Variants in PPARD observed in about 807,000 individuals in gnomAD.
PPARD encodes peroxisome proliferator-activated receptor delta.
PPARD carries 6 observed loss-of-function variants against 39.5 expected under a neutral mutation model. That is an observed-to-expected ratio of 0.15 (90% CI 0.08 to 0.30). PPARD has a LOEUF of 0.30. PPARD is among the 10% of genes least tolerant of loss of function. The probability of loss-of-function intolerance (pLI) is 1.00; values close to 1 mark genes in which losing one functional copy is unlikely to be tolerated. For missense variants in PPARD, 397 were observed against 596.8 expected (o/e 0.67, Z 3.49); for synonymous variants, 210 against 231.3 (o/e 0.91, Z 0.83).
At chr6:35,414,277 G>A (rs1268819605) in intron 3 of PPARD, among the ~76,000 whole-genome samples, 1 of 152,124 alleles carries the variant, frequency 6.6e-6, no homozygotes, top group South Asian at 2.1e-4. Context: ...AGAAGGCACC[G>A]GAAGAGTCTA....
At chr6:35,384,214 G>C (rs1401342351) in intron 2 of PPARD, among the ~76,000 whole-genome samples, 9 of 138,828 alleles carry the variant, frequency 6.5e-5, no homozygotes, top group Admixed American at 1.4e-4. Flanking sequence ...GGAGGGAGGT[G>C]GGGGGGTCAG....
At chr6:35,374,942 T>G (rs1762720661) in intron 2 of PPARD, among the ~76,000 whole-genome samples, 1 of 152,088 alleles carries the variant, frequency 6.6e-6, no homozygotes, top group African/African-American at 2.4e-5. Context: ...TTGTCCTTCC[T>G]CCCTAATGTC....
chr6:35,365,362 G>A lies in PPARD; in HGVS notation c.-102+18212G>A, dbSNP rs539360538. Among the ~76,000 whole-genome samples, 6 of 149,754 alleles carry A rather than the reference G, an allele frequency of 4.0e-5. No homozygotes were observed. The East Asian group carries it at 7.9e-4, about 20-fold the overall frequency. On this transcript the variant is annotated intron_variant, in intron 2 of 7. Coordinates refer to ENST00000360694, the MANE Select transcript of PPARD (RefSeq NM_006238.5). The stretch of plus-strand genomic sequence containing the variant: ...TCACCGTGTTAGCCAGGAAGGTCTC[G>A]ATCTCCTGACCTCATGATCCGCCCG...
chr6:35,348,132 T>G (rs1332503765), intron 2 of PPARD, among the ~76,000 whole-genome samples: 1 of 151,994 alleles, frequency 6.6e-6, no homozygotes, highest in Non-Finnish European at 1.5e-5. Flanking sequence ...GGTCTCAAAC[T>G]CCTGATGTCA....
chr6:35,403,740 G>A (rs1581636552), intron 2 of PPARD, among the ~76,000 whole-genome samples: 2 of 151,886 alleles, frequency 1.3e-5, no homozygotes, highest in South Asian at 4.1e-4. Context: ...GGGTTGTGGT[G>A]AGAAGGAACA....
intron 3 of PPARD, among the ~76,000 whole-genome samples, chr6:35,413,284 G>A (rs1297807636): frequency 6.6e-6 from 1 of 152,190 alleles, no homozygotes; most frequent in Non-Finnish European, 1.5e-5. Flanking sequence ...AACGTCCAGG[G>A]CAGAGGTTGC....
intron 2 of PPARD, among the ~76,000 whole-genome samples, chr6:35,392,837 A>T (rs9348974): frequency 0.043 from 6,499 of 152,218 alleles, 357 homozygotes; most frequent in East Asian, 0.3. Flanking sequence ...CCCCAGGGCC[A>T]GTAGCACCTG....
At chr6:35,415,958 TG>T (rs1290880018) in intron 3 of PPARD, among the ~76,000 whole-genome samples, 7 of 152,174 alleles carry the variant, frequency 4.6e-5, no homozygotes, top group Non-Finnish European at 1.0e-4. Flanking sequence ...TGTTCCACAG[TG>T]GGGCCACGGT....
At chr6:35,420,819 C>CTTTTTTTTTTTTTTTTTTTTTTT (rs35852986) in intron 4 of PPARD, among the ~76,000 whole-genome samples, 1 of 85,708 alleles carries the variant, frequency 1.2e-5, no homozygotes, top group African/African-American at 4.2e-5. Context: ...AACAAAGAAG[C>CTTTTTTTTTTTTTTTTTTTTTTT]TTTTTTTTTT....
At chr6:35,396,223 T>G (rs1189562864) in intron 2 of PPARD, among the ~76,000 whole-genome samples, 2 of 151,646 alleles carry the variant, frequency 1.3e-5, no homozygotes, top group African/African-American at 4.8e-5. Flanking sequence ...TTTTTTTTTT[T>G]AGACAGAGTC....
At chr6:35,399,061 T>C (rs1581626960) in intron 2 of PPARD, among the ~76,000 whole-genome samples, 1 of 151,706 alleles carries the variant, frequency 6.6e-6, no homozygotes, top group Non-Finnish European at 1.5e-5. Flanking sequence ...TGCAGTGAGC[T>C]GAGATCGAGC....
chr6:35,404,517 C>T (rs751739582), intron 2 of PPARD, among the ~76,000 whole-genome samples: 18 of 152,214 alleles, frequency 1.2e-4, no homozygotes, highest in Admixed American at 2.0e-4. Flanking sequence ...TGTCCCCACT[C>T]ATCCCCTGGG....
rs914503193 is a variant in PPARD, at chr6:35,418,158, A to C, written c.131-1969A>C. 3.3e-5 allele frequency among the ~76,000 whole-genome samples: 5 copies of C among 152,352 alleles called. No homozygotes were observed. In the East Asian group the frequency reaches 9.6e-4, roughly 29 times the overall value. On this transcript the variant is annotated intron_variant, in intron 3 of 7. Coordinates refer to ENST00000360694, the MANE Select transcript of PPARD (RefSeq NM_006238.5). ...AGAGGAAGCAGACGTGCAGGCCACA[A>C]AGACAAAATTACAAGAAATGCCCCA...
At chr6:35,362,461 T>G (rs1224162881) in intron 2 of PPARD, among the ~76,000 whole-genome samples, 1 of 149,548 alleles carries the variant, frequency 6.7e-6, no homozygotes, top group Non-Finnish European at 1.5e-5. Context: ...TTTTTTTTCC[T>G]TCCATACAAA....
intron 2 of PPARD, among the ~76,000 whole-genome samples, chr6:35,390,184 C>A (rs1763930132): frequency 6.6e-6 from 1 of 152,224 alleles, no homozygotes; most frequent in Non-Finnish European, 1.5e-5. Context: ...AGGGCCATTA[C>A]ACCTACTCCA....
At chr6:35,379,228 C>T (rs1762994616) in intron 2 of PPARD, among the ~76,000 whole-genome samples, 5 of 151,920 alleles carry the variant, frequency 3.3e-5, no homozygotes, top group Admixed American at 1.3e-4. Flanking sequence ...CTCAGCCTCC[C>T]GAGTAGCTGG....
chr6:35,399,649 T>G (rs1764571663), intron 2 of PPARD, among the ~76,000 whole-genome samples: 1 of 152,056 alleles, frequency 6.6e-6, no homozygotes, highest in Non-Finnish European at 1.5e-5. Flanking sequence ...TAGGAGGTGG[T>G]TCAGTGAACT....
At chr6:35,423,899 C>A in intron 5 of PPARD, 47 bp from the exon 6 acceptor site, 1 of 1,593,398 alleles carries the variant, frequency 6.3e-7, no homozygotes, top group South Asian at 1.1e-5. Flanking sequence ...GTCAGAGGTG[C>A]TGGGGCCTGC....
At chr6:35,410,838 G>T in intron 2 of PPARD, 149 bp from the exon 3 acceptor site, 1 of 1,054,666 alleles carries the variant, frequency 9.5e-7, no homozygotes, top group Non-Finnish European at 1.2e-6. Flanking sequence ...AAGGAGCAGA[G>T]ACCATGGTAT....
Sources: allele counts gnomAD v4.1 joint callset (sites outside exome capture counted in the v4.1 genomes callset), GRCh38; gene constraint gnomAD v4.1.1; transcripts MANE v1.5; gene names NCBI Gene and HGNC (gene_info 2026-07-23, HGNC 2026-07-21).